INF2: variants seen among roughly 807,000 people sequenced by gnomAD.
INF2 encodes inverted formin-2.
INF2 carries 43 observed loss-of-function variants against 123.5 expected under a neutral mutation model. The observed-to-expected ratio is 0.35, with a 90% CI of 0.27 to 0.45. The LOEUF (loss-of-function observed/expected upper bound fraction) is 0.45. Ranked by LOEUF, INF2 falls within the 20% of genes least tolerant of loss-of-function variation. The pLI, the probability that INF2 is intolerant of heterozygous loss-of-function variation, is 1.00. For synonymous variants in INF2, 851 were observed against 745.0 expected (o/e 1.14, Z -2.32); for missense variants, 1,453 against 1,682.7 (o/e 0.86, Z 2.39).
At chr14:104,712,633 C>G (rs780426636) in intron 17 of INF2, 80 bp downstream of exon 17, 15 of 1,599,698 alleles carry the variant, frequency 9.4e-6, no homozygotes, top group Non-Finnish European at 1.2e-5. Flanking sequence ...GTGCTGTCTC[C>G]TGGCTCCAGG....
intron 1 of INF2, among the ~76,000 whole-genome samples, chr14:104,697,595 G>C (rs1188044880): frequency 6.6e-6 from 1 of 152,252 alleles, no homozygotes; most frequent in Non-Finnish European, 1.5e-5. Context: ...GTGGCTTCCC[G>C]AGAGTCAGTG....
At chr14:104,711,762 C>A in intron 16 of INF2, 63 bp downstream of exon 16, 1 of 1,488,164 alleles carries the variant, frequency 6.7e-7, no homozygotes. Flanking sequence ...TGTCCCCAGG[C>A]AGTGAGGTGG....
At chr14:104,681,575 T>G in exon 1 of INF2, 1 of 1,289,120 alleles carries the variant, frequency 7.8e-7, no homozygotes. Context: ...TTGGAAAATA[T>G]GGCCAAGGTA....
chr14:104,711,344 G>A (rs146540509), intron 15 of INF2, among the ~76,000 whole-genome samples, 158 bp downstream of exon 15: 21 of 152,114 alleles, frequency 1.4e-4, no homozygotes, highest in African/African-American at 5.1e-4. Flanking sequence ...TCAGAGCCAC[G>A]CCCCCACCCC....
chr14:104,695,375 G>A (rs1889135891), intron 1 of INF2, among the ~76,000 whole-genome samples: 1 of 152,066 alleles, frequency 6.6e-6, no homozygotes, highest in Non-Finnish European at 1.5e-5. Context: ...CGCCAGAGGT[G>A]ACCAGGCCCT....
In INF2 at chr14:104,707,728, GC is replaced by G; in HGVS notation, c.1466del (p.Pro489HisfsTer69). On this transcript the variant is annotated frameshift_variant, in exon 8 of 23. Transcript: ENST00000392634. LOFTEE classifies it high-confidence loss of function. ...CCCTGCCAGGCTCCTGTGAGTTCCT[GC>G]CCCCACCACCTCCACCACTCCCGGG... ...PPLPGSCEFL[P>X]PPPPPLPGLG... 5 of 1,292,084 alleles carry G rather than the reference GC, an allele frequency of 3.9e-6. No individual in the cohort carries two copies. Among genetic ancestry groups the G allele is most frequent in the Non-Finnish European group, 5.3e-6 (5 of 937,784 alleles). The allele number at this position is 1,292,084 out of a possible 1,614,324, so 80.0% of individuals were successfully genotyped here. A position where few individuals can be genotyped will look rare whatever the true frequency, so the allele number is the denominator to read the frequency against.
At chr14:104,704,283 G>T (rs970354584) in intron 5 of INF2, 29 of 922,414 alleles carry the variant, frequency 3.1e-5, no homozygotes, top group Non-Finnish European at 4.3e-5. Context: ...CAATAAGAGG[G>T]AACTACAGGG....
rs1178496901 is a variant in INF2 at position 104,701,781 on chromosome 14, C to T, written c.391+25C>T. On this transcript the variant is annotated intron_variant, in intron 2 of 22. Transcript: ENST00000392634. ...GGTGAGCCGCAGTGTGGGAGGGCCG[C>T]CCAGGCGGACGCTGGGGACCTGGTA... 9 of 1,462,984 alleles carry T rather than the reference C, an allele frequency of 6.2e-6. No homozygotes were observed. The Admixed American group carries it at 1.5e-4, about 24-fold the overall frequency. The allele number at this position is 1,462,984 out of a possible 1,614,324, so 90.6% of individuals were successfully genotyped here.
rs201341523 is a variant in INF2 at position 104,697,891 on chromosome 14, G to GGA, written c.-9-3465_-9-3464insAG. On this transcript the variant is annotated intron_variant, in intron 1 of 22. Transcript: ENST00000392634. ...CCATTGGTGCTGGTGGACTGCCGGG[G>GGA]GGGGTGGATGGGACGCCCCTTCTTG... Among the ~76,000 whole-genome samples, 260 of 152,366 alleles carry GGA rather than the reference G, an allele frequency of 1.7e-3. 1 individual carries two copies. Among genetic ancestry groups the GGA allele is most frequent in the African/African-American group, 5.9e-3 (245 of 41,574 alleles).
intron 22 of INF2, among the ~76,000 whole-genome samples, chr14:104,717,856 C>G (rs1000302404): frequency 6.6e-6 from 1 of 152,022 alleles, no homozygotes; most frequent in Non-Finnish European, 1.5e-5. Flanking sequence ...CTGTGTTCGC[C>G]GCCCCTCGTC....
exon 1 of INF2, chr14:104,681,353 C>T: frequency 2.3e-6 from 1 of 439,944 alleles, no homozygotes; most frequent in South Asian, 1.6e-5. Flanking sequence ...GGACGCCACC[C>T]ACAGAAAGCC....
rs761236066 is a variant in INF2 at position 104,706,900 on chromosome 14, G to T, written c.844-10G>T. On this transcript the variant is annotated splice_polypyrimidine_tract_variant and intron_variant, in intron 6 of 22. Coordinates refer to ENST00000392634, the MANE Select transcript of INF2 (RefSeq NM_022489.4). ...GGCTGCTGACCTGCACCCCACACTC[G>T]CCCGTCCAGGTGAGCTGCTCCCCGG... is the stretch of plus-strand genomic sequence containing the variant. 3 of 1,603,120 alleles carry T rather than the reference G, an allele frequency of 1.9e-6. No homozygotes were observed. In the Admixed American group the frequency reaches 5.0e-5, roughly 27 times the overall value.
At position 104,704,231 on chromosome 14, in the gene INF2, G is replaced by A. The variant is rs748480882; in HGVS notation, c.701+282G>A. On this transcript the variant is annotated intron_variant, in intron 5 of 22. Coordinates refer to ENST00000392634, the MANE Select transcript of INF2 (RefSeq NM_022489.4). ...CACACCGTGGATGGAGCTGGAGGCC[G>A]TGATCCTAAGTGAACCAACCCAGAA... 122 of 1,347,728 alleles carry A rather than the reference G, an allele frequency of 9.1e-5. 1 individual carries two copies. The highest frequency in any genetic ancestry group is 1.1e-4 in the Non-Finnish European group (115 of 1,026,774). 83.5% of individuals were successfully genotyped at this position (1,347,728 alleles called of 1,614,324 possible).
intron 1 of INF2, chr14:104,681,732 G>A: frequency 1.7e-6 from 1 of 582,850 alleles, no homozygotes; most frequent in Non-Finnish European, 2.7e-6. Context: ...AGCCGGGACA[G>A]CCTGGGGTTC....
intron 1 of INF2, 133 bp from the exon 2 acceptor site, chr14:104,701,224 C>T (rs1433198506): frequency 1.0e-5 from 11 of 1,059,456 alleles, no homozygotes; most frequent in Admixed American, 2.2e-5. Flanking sequence ...TACCCCTAAC[C>T]CTCAGCATGG....
upstream of INF2, among the ~76,000 whole-genome samples, chr14:104,685,785 G>T (rs1001674055): frequency 2.7e-5 from 4 of 150,616 alleles, no homozygotes; most frequent in African/African-American, 4.9e-5. Flanking sequence ...GGATGAATGG[G>T]TGAGTAGGTG....
At chr14:104,683,993 G>A (rs1888598574) in intron 1 of INF2, 3 of 454,910 alleles carry the variant, frequency 6.6e-6, no homozygotes, top group Non-Finnish European at 1.3e-5. Flanking sequence ...GAGCCCATCT[G>A]GTGCTCCCTC....
intron 4 of INF2, 33 bp from the exon 5 acceptor site, chr14:104,703,883 C>G (rs773979176): frequency 6.2e-7 from 1 of 1,610,684 alleles, no homozygotes; most frequent in African/African-American, 1.3e-5. Flanking sequence ...GGAGTGGCCT[C>G]CGAACCCTCT....
At position 104,699,595 on chromosome 14, in the gene INF2, C is replaced by T; in HGVS notation, c.-9-1762C>T. 3.0e-6 allele frequency: 3 copies of T among 984,192 alleles called. No homozygotes were observed. Among genetic ancestry groups the T allele is most frequent in the Non-Finnish European group, 3.6e-6 (3 of 829,528 alleles). The allele number at this position is 984,192 out of a possible 1,614,324, so 61.0% of individuals were successfully genotyped here. A position where few individuals can be genotyped will look rare whatever the true frequency, so the allele number is the denominator to read the frequency against. On this transcript the variant is annotated intron_variant, in intron 1 of 22. Coordinates refer to ENST00000392634, the MANE Select transcript of INF2 (RefSeq NM_022489.4). The surrounding 1 kb of genome is among the most constrained non-coding windows in gnomAD (Gnocchi z 4.7). ...GAGGTGGCCGGAAGGTCTTGCGCAT[C>T]TGGGTGAGTGGACGGCCACTGGGTG...
Sources: allele counts gnomAD v4.1 joint callset (sites outside exome capture counted in the v4.1 genomes callset), GRCh38; gene constraint gnomAD v4.1.1; non-coding constraint Gnocchi (gnomAD v3.1); transcripts MANE v1.5; gene names NCBI Gene and HGNC (gene_info 2026-07-23, HGNC 2026-07-21).